The following FAM174A variants were observed in gnomAD, a reference collection of about 807,000 sequenced individuals.
FAM174A encodes the protein membrane protein FAM174A.
In FAM174A, 14 loss-of-function variants were observed where a neutral mutation model predicts 14.3. The ratio of observed to expected loss-of-function variants is 0.98; its 90% CI spans 0.65 to 1.53. FAM174A has a LOEUF of 1.53. FAM174A is among the 40% of genes most tolerant of loss of function. FAM174A has a pLI of 0.00. For missense variants in FAM174A, 241 were observed against 249.6 expected, an observed-to-expected ratio of 0.97 and a Z score of 0.23; for synonymous variants, 108 against 111.4, an observed-to-expected ratio of 0.97 and a Z score of 0.19.
At chr5:100,581,451 A>G (rs1747014740) in intron 2 of FAM174A, 1 of 911,036 alleles carries the variant, frequency 1.1e-6, no homozygotes, top group Admixed American at 6.2e-5. Flanking sequence ...ATATAAGTTA[A>G]TCAAATAAGA....
chr5:100,561,413 C>T (rs1746519545), intron 1 of FAM174A, among the ~76,000 whole-genome samples: 1 of 151,926 alleles, frequency 6.6e-6, no homozygotes, highest in East Asian at 1.9e-4. Flanking sequence ...TGTGATTCTG[C>T]TGATCCAGAG....
intron 2 of FAM174A, among the ~76,000 whole-genome samples, chr5:100,575,455 A>T (rs569464754): frequency 1.6e-4 from 24 of 152,056 alleles, no homozygotes; most frequent in Admixed American, 1.6e-3. Context: ...CCTGTGTCCA[A>T]GTGTTCTCAT....
chr5:100,537,614 A>G (rs1415484654), intron 1 of FAM174A, among the ~76,000 whole-genome samples: 1 of 152,214 alleles, frequency 6.6e-6, no homozygotes, highest in Non-Finnish European at 1.5e-5. Flanking sequence ...TTTGAGCTAG[A>G]TATTGTTGGT....
At chr5:100,585,453 G>A (rs1747109577) in intron 2 of FAM174A, among the ~76,000 whole-genome samples, 1 of 151,954 alleles carries the variant, frequency 6.6e-6, no homozygotes, top group South Asian at 2.1e-4. Context: ...CTGCTCTGTT[G>A]CCCAGGCTGG....
At chr5:100,537,927 A>G (rs1745971241) in intron 1 of FAM174A, among the ~76,000 whole-genome samples, 1 of 152,066 alleles carries the variant, frequency 6.6e-6, no homozygotes, top group Admixed American at 6.6e-5. Flanking sequence ...ACACATATTT[A>G]TTACCATTGA....
At chr5:100,551,193 C>G (rs1213288413) in intron 1 of FAM174A, among the ~76,000 whole-genome samples, 1 of 152,018 alleles carries the variant, frequency 6.6e-6, no homozygotes, top group Non-Finnish European at 1.5e-5. Flanking sequence ...TCAATAATAC[C>G]TTGTGATTGT....
At chr5:100,556,136 G>A (rs1347269679) in intron 1 of FAM174A, among the ~76,000 whole-genome samples, 2 of 152,284 alleles carry the variant, frequency 1.3e-5, no homozygotes, top group Middle Eastern at 3.4e-3. Flanking sequence ...GTAAGGAAGG[G>A]ATCCAGTTTC....
In FAM174A at chr5:100,535,613, G is replaced by A. The variant is rs1241578984; in HGVS notation, c.83G>A (p.Gly28Glu). The change falls in exon 1 of 3, where the codon GGG (glycine) becomes GAG (glutamate). Residue 28 changes from glycine (G) to glutamate (E), a missense_variant. Transcript: ENST00000312637. ...LLLLLLPELS[G>E]PLAVLLQAAE... ...CTGCTGTTGCTGCCTGAACTAAGCG[G>A]GCCCCTGGCAGTCCTGCTGCAGGCA... is the stretch of plus-strand genomic sequence containing the variant. 1.2e-6 allele frequency: 2 copies of A among 1,613,280 alleles called. No homozygotes were observed. The highest frequency in any genetic ancestry group is 1.7e-6 in the Non-Finnish European group (2 of 1,179,948).
intron 2 of FAM174A, among the ~76,000 whole-genome samples, chr5:100,572,245 TA>T (rs201084135): frequency 6.8e-6 from 1 of 148,078 alleles, no homozygotes; most frequent in African/African-American, 2.5e-5. Flanking sequence ...TTTTTTTTTT[TA>T]CGTCTTTTTT....
At chr5:100,553,159 A>C (rs1469701560) in intron 1 of FAM174A, among the ~76,000 whole-genome samples, 1 of 152,054 alleles carries the variant, frequency 6.6e-6, no homozygotes, top group East Asian at 1.9e-4. Flanking sequence ...TAAGAAAAGA[A>C]CTCTGGCTAT....
chr5:100,581,415 A>G (rs980149925), intron 2 of FAM174A: 1 of 982,190 alleles, frequency 1.0e-6, no homozygotes, highest in South Asian at 4.7e-5. Context: ...GTAGGTGGCA[A>G]TTGAGTTAAA....
intron 1 of FAM174A, among the ~76,000 whole-genome samples, chr5:100,537,956 G>A (rs1008869741): frequency 6.6e-6 from 1 of 151,854 alleles, no homozygotes; most frequent in African/African-American, 2.4e-5. Flanking sequence ...CATTAATGTT[G>A]TAAAACTTGG....
chr5:100,571,365 AAG>A lies in FAM174A; in HGVS notation c.569+9180_569+9181del, dbSNP rs374231627. The stretch of plus-strand genomic sequence containing the variant: ...TGAAGGGACTTTTTTATTGGATGGG[AAG>A]AGTTATTTAATATACATAGAGCTAT... On this transcript the variant is annotated intron_variant, in intron 2 of 2. Coordinates refer to ENST00000312637, the MANE Select transcript of FAM174A (RefSeq NM_198507.3). Among the ~76,000 whole-genome samples, 433 of 151,592 alleles carry A rather than the reference AAG, an allele frequency of 2.9e-3. 1 individual carries two copies. The highest frequency in any genetic ancestry group is 8.0e-3 in the African/African-American group (331 of 41,468).
intron 1 of FAM174A, among the ~76,000 whole-genome samples, chr5:100,546,593 A>T (rs2112369159): frequency 6.6e-6 from 1 of 152,304 alleles, no homozygotes; most frequent in African/African-American, 2.4e-5. Context: ...ATTGGTATGA[A>T]TTTGCATCTT....
At chr5:100,536,487 A>ATATTT (rs1268254732) in intron 1 of FAM174A, among the ~76,000 whole-genome samples, 1 of 152,204 alleles carries the variant, frequency 6.6e-6, no homozygotes, top group Non-Finnish European at 1.5e-5. Context: ...TGCCTTATGG[A>ATATTT]TATTTTATTT....
chr5:100,568,555 C>T (rs1746711800), intron 2 of FAM174A, among the ~76,000 whole-genome samples: 1 of 149,288 alleles, frequency 6.7e-6, no homozygotes, highest in Non-Finnish European at 1.5e-5. Context: ...CTTCCCATTC[C>T]AGTTTATCTC....
At chr5:100,582,368 A>ATGAAAAAGAG (rs1218827974) in intron 2 of FAM174A, among the ~76,000 whole-genome samples, 1 of 152,142 alleles carries the variant, frequency 6.6e-6, no homozygotes, top group East Asian at 1.9e-4. Context: ...TTCAGATAAG[A>ATGAAAAAGAG]TGAAAAAGAG....
chr5:100,547,603 T>C (rs145937623), intron 1 of FAM174A, among the ~76,000 whole-genome samples: 3 of 152,202 alleles, frequency 2.0e-5, no homozygotes, highest in East Asian at 3.9e-4. Flanking sequence ...TTATTTTAGA[T>C]TGAAAATTGC....
intron 1 of FAM174A, among the ~76,000 whole-genome samples, chr5:100,554,205 C>G (rs898519207): frequency 2.0e-5 from 3 of 151,834 alleles, no homozygotes; most frequent in African/African-American, 7.3e-5. Flanking sequence ...GTTTCACTCA[C>G]TCTTATGTAA....
Sources: gnomAD v4.1 joint callset for allele counts (sites outside exome capture counted in the v4.1 genomes callset) on GRCh38, gnomAD v4.1.1 for gene constraint, MANE v1.5 for transcripts, NCBI Gene and HGNC (gene_info 2026-07-23, HGNC 2026-07-21) for gene names.